The following GNAL variants were observed in gnomAD, a reference collection of about 807,000 sequenced individuals.
GNAL encodes the protein guanine nucleotide-binding protein G(olf) subunit alpha.
In GNAL, 18 loss-of-function variants were observed where a neutral mutation model predicts 55.1. The ratio of observed to expected loss-of-function variants is 0.33; its 90% CI spans 0.23 to 0.48. GNAL has a LOEUF of 0.48. Ranked by LOEUF, GNAL falls within the 20% of genes least tolerant of loss-of-function variation. The pLI is 0.99. For missense variants in GNAL, 412 were observed against 614.1 expected (o/e 0.67, Z 3.48); for synonymous variants, 253 against 237.0 (o/e 1.07, Z -0.62).
chr18:11,764,564 T>C (rs2033346237), intron 4 of GNAL, among the ~76,000 whole-genome samples: 1 of 152,252 alleles, frequency 6.6e-6, no homozygotes, highest in Admixed American at 6.5e-5. Flanking sequence ...CCCAGCACTT[T>C]GGGAGGCCCA....
chr18:11,796,589 A>AACC (rs1555651476), intron 4 of GNAL, among the ~76,000 whole-genome samples: 1 of 147,030 alleles, frequency 6.8e-6, no homozygotes, highest in Non-Finnish European at 1.5e-5. Flanking sequence ...AAAAAAAAAA[A>AACC]AAAAAACAAA....
chr18:11,694,313 A>G (rs1031003889), intron 1 of GNAL, among the ~76,000 whole-genome samples: 1 of 152,080 alleles, frequency 6.6e-6, no homozygotes, highest in East Asian at 1.9e-4. Context: ...ACTGGGGTAC[A>G]TTGCTCCATA....
chr18:11,855,351 C>T (rs1480566459), intron 5 of GNAL, among the ~76,000 whole-genome samples: 1 of 152,196 alleles, frequency 6.6e-6, no homozygotes, highest in Non-Finnish European at 1.5e-5. Flanking sequence ...AACTGAAACA[C>T]ATCAGGGAAC....
intron 1 of GNAL, among the ~76,000 whole-genome samples, chr18:11,703,021 G>C (rs780305893): frequency 2.1e-4 from 32 of 152,142 alleles, no homozygotes; most frequent in Non-Finnish European, 3.7e-4. Flanking sequence ...GGGAAGCTGA[G>C]GCAGGAGAAT....
At chr18:11,772,972 C>CCCCG in intron 4 of GNAL, among the ~76,000 whole-genome samples, 1 of 152,350 alleles carries the variant, frequency 6.6e-6, no homozygotes, top group South Asian at 2.1e-4. Context: ...CGGACAGAGG[C>CCCCG]CCCGTCACAG....
intron 7 of GNAL, among the ~76,000 whole-genome samples, chr18:11,866,315 A>G (rs1003013446): frequency 4.7e-5 from 7 of 150,456 alleles, no homozygotes; most frequent in Middle Eastern, 3.2e-3. Flanking sequence ...TAATAGGATC[A>G]GCAACATACC....
chr18:11,748,286 G>A lies in GNAL; in HGVS notation c.377-4567G>A, dbSNP rs932318665. Among the ~76,000 whole-genome samples the A allele has an allele frequency of 5.9e-5, 9 of 152,318 alleles. No individual in the cohort carries two copies. The South Asian group carries it at 1.2e-3, about 21-fold the overall frequency. ...TGGCACACAATGCAGGTAATAGTGCGAATGTTGCAGCCAGGCTGCAAGGGT... is the reference window on the plus strand; with the variant it reads ...TGGCACACAATGCAGGTAATAGTGCAAATGTTGCAGCCAGGCTGCAAGGGT... On this transcript the variant is annotated intron_variant, in intron 1 of 11. Coordinates refer to ENST00000334049, the MANE Select transcript of GNAL (RefSeq NM_182978.4).
intron 4 of GNAL, among the ~76,000 whole-genome samples, chr18:11,764,225 C>T (rs1311245926): frequency 6.6e-6 from 1 of 152,144 alleles, no homozygotes; most frequent in Non-Finnish European, 1.5e-5. Context: ...CTGCCTCAGC[C>T]TCCTGAGTAG....
intron 4 of GNAL, among the ~76,000 whole-genome samples, chr18:11,759,751 G>A (rs2033178598): frequency 1.3e-5 from 2 of 152,256 alleles, no homozygotes; most frequent in African/African-American, 4.8e-5. Context: ...AGCGGCTGCT[G>A]CCGTGTGCTG....
chr18:11,722,958 C>G, intron 1 of GNAL, among the ~76,000 whole-genome samples: 1 of 148,540 alleles, frequency 6.7e-6, no homozygotes, highest in African/African-American at 2.5e-5. Flanking sequence ...TTGCAGTGAG[C>G]CAAGATCGCG....
At chr18:11,850,164 G>T (rs1378398505) in intron 5 of GNAL, among the ~76,000 whole-genome samples, 1 of 152,198 alleles carries the variant, frequency 6.6e-6, no homozygotes, top group African/African-American at 2.4e-5. Context: ...CGCAAATAAT[G>T]CTCAAATTCC....
intron 5 of GNAL, among the ~76,000 whole-genome samples, chr18:11,836,738 G>C (rs2035506096): frequency 9.7e-5 from 1 of 10,260 alleles, no homozygotes; most frequent in Non-Finnish European, 8.6e-3. Flanking sequence ...GATTATGAGA[G>C]ACTACTTTAG....
At chr18:11,799,357 T>C (rs1432655602) in intron 4 of GNAL, among the ~76,000 whole-genome samples, 1 of 152,200 alleles carries the variant, frequency 6.6e-6, no homozygotes, top group Non-Finnish European at 1.5e-5. Context: ...TTCCATGATA[T>C]CTGTTCATTG....
intron 11 of GNAL, among the ~76,000 whole-genome samples, chr18:11,878,317 G>A (rs899318065): frequency 1.3e-5 from 2 of 152,214 alleles, no homozygotes; most frequent in South Asian, 4.2e-4. Context: ...TGGGTATGGT[G>A]GCACAGGCGT....
In GNAL at chr18:11,696,635, A is replaced by G. The variant is rs933426669; in HGVS notation, c.376+6696A>G. ...GTTACAGCAATGATACTAAAATTTT[A>G]TAGGCTGGAAACTGCCGTTGTTTAC... On this transcript the variant is annotated intron_variant, in intron 1 of 11. Coordinates refer to ENST00000334049, the MANE Select transcript of GNAL (RefSeq NM_182978.4). 3.9e-5 allele frequency among the ~76,000 whole-genome samples: 6 copies of G among 152,218 alleles called. No homozygotes were observed. The East Asian group carries it at 5.8e-4, about 15-fold the overall frequency.
At chr18:11,757,017 A>G (rs928795238) in intron 4 of GNAL, among the ~76,000 whole-genome samples, 1 of 152,214 alleles carries the variant, frequency 6.6e-6, no homozygotes, top group African/African-American at 2.4e-5. Context: ...AAAGTTAAAA[A>G]TTAATTTTAG....
In GNAL at chr18:11,751,149, G is replaced by T. The variant is rs1441087944; in HGVS notation, c.377-1704G>T. ...AGCCCGAGACGGTCAACTGGGAGCC[G>T]CCACACACAAGGAACAGTGATTTCT... On this transcript the variant is annotated intron_variant, in intron 1 of 11. Coordinates refer to ENST00000334049, the MANE Select transcript of GNAL (RefSeq NM_182978.4). The surrounding 1 kb of genome is among the most constrained non-coding windows in gnomAD (Gnocchi z 4.5). Among the ~76,000 whole-genome samples the T allele has an allele frequency of 6.6e-6, 1 of 152,120 alleles. No individual in the cohort carries two copies. The highest frequency in any genetic ancestry group is 1.5e-5 in the Non-Finnish European group (1 of 68,030).
At chr18:11,850,345 G>GGAA (rs1238881098) in intron 5 of GNAL, among the ~76,000 whole-genome samples, 1 of 152,194 alleles carries the variant, frequency 6.6e-6, no homozygotes, top group East Asian at 1.9e-4. Flanking sequence ...AGCTATCACA[G>GGAA]GAAGCTAAGC....
At chr18:11,732,943 T>C (rs2032372465) in intron 1 of GNAL, among the ~76,000 whole-genome samples, 1 of 152,144 alleles carries the variant, frequency 6.6e-6, no homozygotes, top group South Asian at 2.1e-4. Flanking sequence ...ATGCCTACAG[T>C]TATGTATTCA....
Sources: gnomAD v4.1 joint callset for allele counts (sites outside exome capture counted in the v4.1 genomes callset) on GRCh38, gnomAD v4.1.1 for gene constraint, Gnocchi (gnomAD v3.1) non-coding constraint, MANE v1.5 for transcripts, NCBI Gene and HGNC (gene_info 2026-07-23, HGNC 2026-07-21) for gene names.